The following MS4A4E variants were observed in gnomAD, a reference collection of about 807,000 sequenced individuals.
MS4A4E encodes the protein putative membrane-spanning 4-domains subfamily A member 4E.
MS4A4E carries 23 observed loss-of-function variants against 13.3 expected under a neutral mutation model. That is an observed-to-expected ratio of 1.73 (90% confidence interval 1.25 to 2.45). The LOEUF (loss-of-function observed/expected upper bound fraction) is 2.45, where lower values mean the gene tolerates loss of function less well. Ranked by LOEUF, MS4A4E falls within the 30% of genes most tolerant of loss-of-function variation. The probability of loss-of-function intolerance (pLI) is 0.00; values close to 1 mark genes in which losing one functional copy is unlikely to be tolerated. For missense variants in MS4A4E, 144 were observed against 131.2 expected (o/e 1.10, Z -0.48); for synonymous variants, 36 against 45.6 (o/e 0.79, Z 0.85).
At chr11:60,208,813 C>T (rs1296879404) in intron 5 of MS4A4E, 119 bp from the exon 6 acceptor site, 1 of 422,616 alleles carries the variant, frequency 2.4e-6, no homozygotes, top group East Asian at 3.6e-5. Context: ...AAACCTGCCT[C>T]CCAATGGCAG....
At chr11:60,217,577 G>T (rs564103909) in intron 3 of MS4A4E, among the ~76,000 whole-genome samples, 4 of 152,168 alleles carry the variant, frequency 2.6e-5, no homozygotes, top group African/African-American at 9.7e-5. Flanking sequence ...CAAACGGAGG[G>T]ACCGGCTGAA....
intron 3 of MS4A4E, among the ~76,000 whole-genome samples, chr11:60,217,924 G>A (rs1305767279): frequency 1.3e-5 from 2 of 152,326 alleles, no homozygotes; most frequent in South Asian, 2.1e-4. Flanking sequence ...CAATTATTCA[G>A]GGAATAAGAG....
At chr11:60,213,215 C>T (rs1727546146) in intron 4 of MS4A4E, 83 bp from the exon 5 acceptor site, 1 of 1,369,318 alleles carries the variant, frequency 7.3e-7, no homozygotes. Context: ...TGCTGTCTAC[C>T]TTTATCTTAT....
At chr11:60,210,517 T>C (rs546673721) in intron 5 of MS4A4E, among the ~76,000 whole-genome samples, 1 of 152,364 alleles carries the variant, frequency 6.6e-6, no homozygotes, top group African/African-American at 2.4e-5. Flanking sequence ...TAGTTGATCA[T>C]TGGCAATTTC....
intron 8 of MS4A4E, among the ~76,000 whole-genome samples, chr11:60,204,358 AG>A (rs2084015653): frequency 6.7e-6 from 1 of 149,360 alleles, no homozygotes; most frequent in Non-Finnish European, 1.5e-5. Context: ...GGATTTTGCT[AG>A]GGTCTGATCC....
chr11:60,239,635 C>T (rs983837338), intron 1 of MS4A4E, among the ~76,000 whole-genome samples: 5 of 152,168 alleles, frequency 3.3e-5, no homozygotes, highest in Non-Finnish European at 4.4e-5. Context: ...TTTTTGCTCT[C>T]ATGGACTAGG....
At chr11:60,207,590 C>A (rs765164876) in intron 6 of MS4A4E, among the ~76,000 whole-genome samples, 5 of 152,102 alleles carry the variant, frequency 3.3e-5, no homozygotes, top group Non-Finnish European at 5.9e-5. Context: ...GAGAAGGGCA[C>A]CAGAGAAACA....
chr11:60,206,489 G>GTATATATATATGTA (rs373196401), intron 6 of MS4A4E, among the ~76,000 whole-genome samples: 1 of 97,572 alleles, frequency 1.0e-5, no homozygotes, highest in African/African-American at 4.5e-5. Context: ...ATATATATAT[G>GTATATATATATGTA]TATATATATA....
chr11:60,229,553 A>T (rs974370627), intron 2 of MS4A4E, among the ~76,000 whole-genome samples: 14 of 152,200 alleles, frequency 9.2e-5, no homozygotes, highest in African/African-American at 3.1e-4. Context: ...AGAAAGAAAG[A>T]GTAGCAATAT....
chr11:60,228,206 T>C (rs1472396484), intron 3 of MS4A4E, among the ~76,000 whole-genome samples: 2 of 152,134 alleles, frequency 1.3e-5, no homozygotes, highest in Admixed American at 6.5e-5. Context: ...TGACAAAGGA[T>C]TGTTATTCAA....
intron 3 of MS4A4E, among the ~76,000 whole-genome samples, chr11:60,225,535 G>A (rs1243670885): frequency 6.6e-6 from 1 of 152,164 alleles, no homozygotes; most frequent in Admixed American, 6.5e-5. Flanking sequence ...CTGGGCCTGA[G>A]GACATGAACA....
intron 5 of MS4A4E, among the ~76,000 whole-genome samples, chr11:60,211,631 G>C (rs895004491): frequency 6.6e-6 from 1 of 152,104 alleles, no homozygotes; most frequent in African/African-American, 2.4e-5. Context: ...ATAAAGATTT[G>C]GCTGGGCACA....
intron 8 of MS4A4E, among the ~76,000 whole-genome samples, chr11:60,202,465 C>G (rs1285784307): frequency 6.6e-6 from 1 of 152,188 alleles, no homozygotes; most frequent in Non-Finnish European, 1.5e-5. Context: ...ATGCATGCAC[C>G]TGTGTTACAC....
chr11:60,236,842 T>A (rs1471110672), intron 1 of MS4A4E, among the ~76,000 whole-genome samples: 1 of 151,928 alleles, frequency 6.6e-6, no homozygotes, highest in African/African-American at 2.4e-5. Flanking sequence ...GTTCAAGCAA[T>A]TCTCCTGCCT....
chr11:60,202,474 A>G (rs576132611), intron 8 of MS4A4E, among the ~76,000 whole-genome samples: 1 of 152,190 alleles, frequency 6.6e-6, no homozygotes, highest in Non-Finnish European at 1.5e-5. Flanking sequence ...CCTGTGTTAC[A>G]CTACATTGGC....
chr11:60,219,035 C>T (rs1255506733), intron 3 of MS4A4E, among the ~76,000 whole-genome samples: 1 of 152,136 alleles, frequency 6.6e-6, no homozygotes, highest in Non-Finnish European at 1.5e-5. Flanking sequence ...CTGAAAATGC[C>T]TGATCTCCTT....
chr11:60,203,340 A>G (rs2084007101), intron 8 of MS4A4E, among the ~76,000 whole-genome samples: 1 of 152,182 alleles, frequency 6.6e-6, no homozygotes. Context: ...TAGTCTTTGT[A>G]AGAGCCTATA....
rs186723833 is a variant in MS4A4E at position 60,225,115 on chromosome 11, A to G, written c.178+3479T>C. On this transcript the variant is annotated intron_variant, in intron 3 of 8. Coordinates refer to ENST00000651255, the MANE Select transcript of MS4A4E (RefSeq NM_001393391.1). ...CAACCTAGAAATGATGAAAGCAAAA[A>G]CTGATTATCCACCACAAAAATGGTG... The G allele has an allele frequency of 1.0e-4, 156 of 1,496,476 alleles. 2 individuals are homozygous for G. The East Asian group carries it at 2.0e-3, about 19-fold the overall frequency. 92.7% of individuals were successfully genotyped at this position (1,496,476 alleles called of 1,614,324 possible).
intron 3 of MS4A4E, among the ~76,000 whole-genome samples, chr11:60,226,890 G>T (rs1333596972): frequency 6.6e-6 from 1 of 152,084 alleles, no homozygotes; most frequent in Non-Finnish European, 1.5e-5. Flanking sequence ...ATATCTGAAA[G>T]AATCAACCAA....
Sources: gnomAD v4.1 joint callset for allele counts (sites outside exome capture counted in the v4.1 genomes callset) on GRCh38, gnomAD v4.1.1 for gene constraint, MANE v1.5 for transcripts, NCBI Gene and HGNC (gene_info 2026-07-23, HGNC 2026-07-21) for gene names.